The following COMMD7 variants were observed in gnomAD, a reference collection of about 807,000 sequenced individuals.
COMMD7 encodes COMM domain containing 7, also known as COMM domain-containing protein 7.
In COMMD7, 28 loss-of-function variants were observed where a neutral mutation model predicts 34.8. The observed-to-expected ratio is 0.80, with a 90% CI of 0.60 to 1.10. The LOEUF (loss-of-function observed/expected upper bound fraction) is 1.10. COMMD7 is among the 50% of genes least tolerant of loss of function. The probability of loss-of-function intolerance (pLI) is 0.00; values close to 1 mark genes in which losing one functional copy is unlikely to be tolerated. For synonymous variants in COMMD7, 80 were observed against 86.4 expected, an observed-to-expected ratio of 0.93 and a Z score of 0.41; for missense variants, 211 against 241.6, an observed-to-expected ratio of 0.87 and a Z score of 0.84.
chr20:32,729,370 A>T (rs944325293), intron 1 of COMMD7, among the ~76,000 whole-genome samples: 1 of 150,978 alleles, frequency 6.6e-6, no homozygotes. Context: ...GTTTCACCAT[A>T]TTGGCCAGGC....
chr20:32,705,005 G>C, intron 5 of COMMD7, 101 bp from the exon 6 acceptor site: 2 of 840,422 alleles, frequency 2.4e-6, no homozygotes, highest in East Asian at 2.5e-5. Flanking sequence ...ACAGATAGTG[G>C]GGAGGGTGCA....
At chr20:32,732,871 G>T (rs1342290974) in intron 1 of COMMD7, among the ~76,000 whole-genome samples, 1 of 151,918 alleles carries the variant, frequency 6.6e-6, no homozygotes, top group Non-Finnish European at 1.5e-5. Context: ...GGGAGGTGGA[G>T]CTTGCAGTGA....
intron 3 of COMMD7, among the ~76,000 whole-genome samples, chr20:32,725,664 G>A (rs1985466887): frequency 6.6e-6 from 1 of 151,964 alleles, no homozygotes; most frequent in African/African-American, 2.4e-5. Context: ...TCCTGACCTC[G>A]TGATCCGCCC....
At chr20:32,727,731 C>T (rs1337467531) in intron 3 of COMMD7, among the ~76,000 whole-genome samples, 162 bp downstream of exon 3, 1 of 152,068 alleles carries the variant, frequency 6.6e-6, no homozygotes, top group African/African-American at 2.4e-5. Context: ...ATACTATGTT[C>T]ACCTGTTACG....
At chr20:32,718,624 A>C (rs963438077) in intron 3 of COMMD7, among the ~76,000 whole-genome samples, 2 of 151,804 alleles carry the variant, frequency 1.3e-5, no homozygotes, top group African/African-American at 4.8e-5. Context: ...GCTTGAACTC[A>C]GGAGGCGGAG....
chr20:32,706,471 C>T (rs1482890952), intron 5 of COMMD7, 112 bp downstream of exon 5: 4 of 802,126 alleles, frequency 5.0e-6, no homozygotes, highest in Non-Finnish European at 6.1e-6. Context: ...CGAGATCACA[C>T]TGCCACTGCA....
intron 3 of COMMD7, among the ~76,000 whole-genome samples, chr20:32,726,409 A>G (rs1985517010): frequency 6.6e-6 from 1 of 152,178 alleles, no homozygotes; most frequent in Middle Eastern, 3.4e-3. Context: ...AAAACAAACA[A>G]AAGACTTCAA....
chr20:32,718,416 G>T (rs1345768473), intron 3 of COMMD7, among the ~76,000 whole-genome samples: 1 of 150,986 alleles, frequency 6.6e-6, no homozygotes, highest in Non-Finnish European at 1.5e-5. Context: ...AAAAAAAGGG[G>T]GGCCGGACGC....
At chr20:32,720,848 G>T (rs775972117) in intron 3 of COMMD7, among the ~76,000 whole-genome samples, 1 of 152,148 alleles carries the variant, frequency 6.6e-6, no homozygotes, top group African/African-American at 2.4e-5. Context: ...GAGGGTCACA[G>T]CATCTCCTAA....
At chr20:32,715,171 AAATAAT>A (rs1010771419) in intron 3 of COMMD7, among the ~76,000 whole-genome samples, 2 of 151,014 alleles carry the variant, frequency 1.3e-5, no homozygotes, top group African/African-American at 4.9e-5. Flanking sequence ...TAGTCTCAAA[AAATAAT>A]AATAATAATA....
At chr20:32,714,312 G>GGGAGTTAC (rs1984645826) in intron 3 of COMMD7, among the ~76,000 whole-genome samples, 1 of 152,024 alleles carries the variant, frequency 6.6e-6, no homozygotes, top group Non-Finnish European at 1.5e-5. Context: ...AGTGGGGAAG[G>GGGAGTTAC]GGAGTTACCT....
intron 5 of COMMD7, among the ~76,000 whole-genome samples, chr20:32,705,310 ATG>A (rs113275460): frequency 3.4e-5 from 5 of 144,966 alleles, no homozygotes; most frequent in African/African-American, 1.4e-4. Flanking sequence ...AGGCATATAT[ATG>A]TGTATATATA....
At chr20:32,734,254 C>A (rs1440446365) in intron 1 of COMMD7, among the ~76,000 whole-genome samples, 2 of 150,166 alleles carry the variant, frequency 1.3e-5, no homozygotes, top group Non-Finnish European at 2.9e-5. Context: ...GCGGGTGGAT[C>A]ACAAGGTCAG....
chr20:32,718,492 A>C (rs1055886845), intron 3 of COMMD7, among the ~76,000 whole-genome samples: 2 of 152,116 alleles, frequency 1.3e-5, no homozygotes, highest in African/African-American at 4.8e-5. Context: ...TGAGCTCAGG[A>C]GTTCGAGACC....
chr20:32,708,932 A>C lies in COMMD7; in HGVS notation c.242-2172T>G, dbSNP rs1000729975. ...AGCAATCCACCCACCTTGGCCTCCC[A>C]AAGTGCTGGGATTACAGACATGAGC... On this transcript the variant is annotated intron_variant, in intron 3 of 8. Transcript: ENST00000278980. Among the ~76,000 whole-genome samples the C allele has an allele frequency of 5.3e-5, 8 of 151,996 alleles. 1 individual carries two copies. The highest frequency in any genetic ancestry group is 1.7e-4 in the African/African-American group (7 of 41,496).
chr20:32,718,646 CAG>C (rs1984961195), intron 3 of COMMD7, among the ~76,000 whole-genome samples: 1 of 152,144 alleles, frequency 6.6e-6, no homozygotes, highest in African/African-American at 2.4e-5. Context: ...TTGCAGTGAG[CAG>C]AGACTGTGCC....
intron 5 of COMMD7, among the ~76,000 whole-genome samples, chr20:32,705,805 G>A (rs1600963031): frequency 6.6e-6 from 1 of 152,324 alleles, no homozygotes; most frequent in East Asian, 1.9e-4. Flanking sequence ...TGTATGACAT[G>A]CGCTTGAAGC....
chr20:32,728,049 G>A (rs1985618297), intron 2 of COMMD7, 40 bp downstream of exon 2: 3 of 1,612,442 alleles, frequency 1.9e-6, no homozygotes, highest in African/African-American at 1.3e-5. Context: ...GCATCTCAGG[G>A]AGCACGGACC....
At chr20:32,722,335 C>T (rs923681698) in intron 3 of COMMD7, among the ~76,000 whole-genome samples, 1 of 151,478 alleles carries the variant, frequency 6.6e-6, no homozygotes, top group Non-Finnish European at 1.5e-5. Flanking sequence ...CAGAGGTCTC[C>T]TGAAAATTAG....
Sources: gnomAD v4.1 joint callset for allele counts (sites outside exome capture counted in the v4.1 genomes callset) on GRCh38, gnomAD v4.1.1 for gene constraint, MANE v1.5 for transcripts, NCBI Gene and HGNC (gene_info 2026-07-23, HGNC 2026-07-21) for gene names.